Variants in RHBDD1 observed in about 807,000 individuals in gnomAD.
RHBDD1 encodes the protein rhomboid domain containing 1.
Under a neutral mutation model 36.3 loss-of-function variants are expected in RHBDD1, and 38 were observed. The observed-to-expected ratio is 1.05, with a 90% CI of 0.81 to 1.37. The LOEUF (loss-of-function observed/expected upper bound fraction) is 1.37. Ranked by LOEUF, RHBDD1 falls within the 40% of genes most tolerant of loss-of-function variation. The pLI is 0.00. For synonymous variants in RHBDD1, 151 were observed against 136.5 expected (o/e 1.11, Z -0.74); for missense variants, 393 against 377.6 (o/e 1.04, Z -0.34).
chr2:226,932,677 G>A (rs886631659), intron 8 of RHBDD1, among the ~76,000 whole-genome samples: 39 of 151,958 alleles, frequency 2.6e-4, no homozygotes, highest in Non-Finnish European at 3.5e-4. Context: ...TTGTAGTCTG[G>A]TGGTGAGAGG....
intron 7 of RHBDD1, among the ~76,000 whole-genome samples, chr2:226,913,740 T>C (rs1160442363): frequency 6.6e-6 from 1 of 152,212 alleles, no homozygotes; most frequent in Non-Finnish European, 1.5e-5. Context: ...TTAATGTTGG[T>C]ATTGTCTGAA....
At chr2:226,960,076 G>A (rs986605071) in intron 8 of RHBDD1, among the ~76,000 whole-genome samples, 3 of 152,106 alleles carry the variant, frequency 2.0e-5, no homozygotes, top group Middle Eastern at 3.2e-3. Context: ...GCCCACCTTG[G>A]CCTCCCTAAG....
chr2:226,857,379 T>C (rs1259844601), intron 3 of RHBDD1, among the ~76,000 whole-genome samples: 3 of 152,136 alleles, frequency 2.0e-5, no homozygotes. Context: ...AATTTCACAG[T>C]TACTCAGAAA....
intron 8 of RHBDD1, among the ~76,000 whole-genome samples, chr2:226,930,706 C>G (rs893683277): frequency 2.0e-5 from 3 of 151,906 alleles, no homozygotes; most frequent in Non-Finnish European, 4.4e-5. Context: ...ATACAACCCA[C>G]AGAATGGGAG....
chr2:226,949,021 A>G (rs1951226029), intron 8 of RHBDD1, among the ~76,000 whole-genome samples: 1 of 152,206 alleles, frequency 6.6e-6, no homozygotes, highest in Non-Finnish European at 1.5e-5. Flanking sequence ...GTGAACTCCC[A>G]TTCACAATTG....
chr2:226,914,695 C>T (rs1948773974), intron 8 of RHBDD1: 1 of 161,222 alleles, frequency 6.2e-6, no homozygotes, highest in Non-Finnish European at 1.4e-5. Flanking sequence ...AAAGAAGGCT[C>T]AGTGTCACTA....
chr2:226,951,004 G>A (rs776517772), intron 8 of RHBDD1, among the ~76,000 whole-genome samples: 1 of 151,840 alleles, frequency 6.6e-6, no homozygotes, highest in Non-Finnish European at 1.5e-5. Flanking sequence ...TGATTTTGTC[G>A]ACCATGCTTT....
At chr2:226,969,993 C>CG (rs1039858555) in intron 8 of RHBDD1, among the ~76,000 whole-genome samples, 5 of 116,152 alleles carry the variant, frequency 4.3e-5, no homozygotes, top group Non-Finnish European at 8.5e-5. Flanking sequence ...CAACTGTCCC[C>CG]CCCCCCTTAA....
chr2:226,908,944 G>T, intron 7 of RHBDD1, 66 bp downstream of exon 7: 1 of 1,048,372 alleles, frequency 9.5e-7, no homozygotes, highest in South Asian at 1.3e-5. Flanking sequence ...CAGCTCTACA[G>T]AGTACTTTAG....
chr2:226,889,351 C>T (rs1468973182), intron 5 of RHBDD1, among the ~76,000 whole-genome samples: 1 of 152,140 alleles, frequency 6.6e-6, no homozygotes, highest in East Asian at 1.9e-4. Context: ...GGCTTGAGGT[C>T]CCCCTTTGAT....
At chr2:226,880,691 A>G (rs1383744181) in intron 5 of RHBDD1, among the ~76,000 whole-genome samples, 2 of 152,238 alleles carry the variant, frequency 1.3e-5, no homozygotes, top group African/African-American at 4.8e-5. Context: ...CTTAGAGCAC[A>G]ACTGGGGACA....
chr2:226,977,042 C>G (rs1421647389), intron 8 of RHBDD1, among the ~76,000 whole-genome samples: 1 of 152,178 alleles, frequency 6.6e-6, no homozygotes, highest in Non-Finnish European at 1.5e-5. Context: ...AGGCTGGCCT[C>G]ACAAGTGAGA....
chr2:226,957,505 T>C (rs1316553240), intron 8 of RHBDD1, among the ~76,000 whole-genome samples: 1 of 151,946 alleles, frequency 6.6e-6, no homozygotes, highest in African/African-American at 2.4e-5. Flanking sequence ...TGAGAATTGC[T>C]TGAGGCCAGA....
At chr2:226,967,990 T>G (rs1417901181) in intron 8 of RHBDD1, among the ~76,000 whole-genome samples, 2 of 152,206 alleles carry the variant, frequency 1.3e-5, no homozygotes, top group Non-Finnish European at 2.9e-5. Context: ...TAGTTATATC[T>G]CTTCATGAGC....
chr2:226,927,037 A>G (rs112197369), intron 8 of RHBDD1, among the ~76,000 whole-genome samples: 2 of 152,166 alleles, frequency 1.3e-5, no homozygotes, highest in African/African-American at 2.4e-5. Flanking sequence ...GTGGTTTATC[A>G]TAACAATCTA....
rs1263847235 is a variant in RHBDD1 at position 226,867,218 on chromosome 2, C to A, written c.466C>A (p.His156Asn). 1.4e-5 allele frequency: 23 copies of A among 1,611,692 alleles called. No individual in the cohort carries two copies. Among genetic ancestry groups the A allele is most frequent in the Non-Finnish European group, 2.0e-5 (23 of 1,179,152 alleles). The change falls in exon 5 of 9, where the codon CAT (histidine) becomes AAT (asparagine). Residue 156 changes from histidine (H) to asparagine (N), a missense_variant. By Grantham distance (68) the His-to-Asn change is moderately conservative. Transcript: ENST00000392062. ...GTTTGCTTTGAAAGTTCTTAACAAC[C>A]ATTATTGCCCTGGAGGCTTTGTCAA... ...VLFALKVLNNHYCPGGFVNIL... is the reference protein window; with the variant it reads ...VLFALKVLNNNYCPGGFVNIL...
intron 8 of RHBDD1, among the ~76,000 whole-genome samples, chr2:226,919,819 C>G (rs1176857436): frequency 6.6e-6 from 1 of 151,744 alleles, no homozygotes; most frequent in East Asian, 1.9e-4. Context: ...CTTCTGTGGT[C>G]CCATGTAAAT....
chr2:226,898,590 A>T (rs572913100), intron 5 of RHBDD1, among the ~76,000 whole-genome samples: 1 of 152,226 alleles, frequency 6.6e-6, no homozygotes, highest in Non-Finnish European at 1.5e-5. Flanking sequence ...AGGTCATTCA[A>T]TCATGCTGGT....
chr2:226,802,479 A>G, the RHBDD1 span, among the ~76,000 whole-genome samples: 7 of 152,348 alleles, frequency 4.6e-5, no homozygotes, highest in South Asian at 8.3e-4. Context: ...CTGGAAATTC[A>G]TTTACATTTG....
Sources: allele counts gnomAD v4.1 joint callset (sites outside exome capture counted in the v4.1 genomes callset), GRCh38; gene constraint gnomAD v4.1.1; transcripts MANE v1.5; gene names NCBI Gene and HGNC (gene_info 2026-07-23, HGNC 2026-07-21).